The following PRKAR1A variants were observed in gnomAD, a reference collection of about 807,000 sequenced individuals.
PRKAR1A encodes protein kinase cAMP-dependent type I regulatory subunit alpha.
PRKAR1A carries 3 observed loss-of-function variants against 52.0 expected under a neutral mutation model. The ratio of observed to expected loss-of-function variants is 0.06; its 90% CI spans 0.03 to 0.15. PRKAR1A has a LOEUF of 0.15. PRKAR1A is among the 10% of genes least tolerant of loss of function. The pLI is 1.00. For synonymous variants in PRKAR1A, 188 were observed against 168.4 expected (o/e 1.12, Z -0.90); for missense variants, 240 against 477.4 (o/e 0.50, Z 4.63).
At chr17:68,541,696 C>T in intron 11 of PRKAR1A, 1 of 341,156 alleles carries the variant, frequency 2.9e-6, no homozygotes, top group Non-Finnish European at 5.5e-6. Context: ...GGCTACATGT[C>T]TGTTCTCCCC....
chr17:68,543,343 G>T (rs941866908), intron 11 of PRKAR1A, among the ~76,000 whole-genome samples: 3 of 152,102 alleles, frequency 2.0e-5, no homozygotes, highest in African/African-American at 7.2e-5. Flanking sequence ...CATTCTCCTC[G>T]CTCTCAGATC....
chr17:68,519,450 C>T (rs2085535323), intron 2 of PRKAR1A, among the ~76,000 whole-genome samples: 1 of 152,206 alleles, frequency 6.6e-6, no homozygotes. Flanking sequence ...TGAGAGCTCA[C>T]TATCACCAGA....
chr17:68,467,014 C>T, the PRKAR1A span, among the ~76,000 whole-genome samples: 1 of 152,240 alleles, frequency 6.6e-6, no homozygotes, highest in Non-Finnish European at 1.5e-5. Flanking sequence ...TGGAATCACA[C>T]AATACGTGGC....
At chr17:68,530,116 C>A in intron 10 of PRKAR1A, 115 bp downstream of exon 10, 1 of 1,479,158 alleles carries the variant, frequency 6.8e-7, no homozygotes, top group Non-Finnish European at 9.4e-7. Context: ...TAACTGCAGT[C>A]TTTTTTGGCT....
At chr17:68,472,136 G>A in the PRKAR1A span, among the ~76,000 whole-genome samples, 3 of 152,138 alleles carry the variant, frequency 2.0e-5, no homozygotes, top group African/African-American at 7.2e-5. Context: ...GAGTGAGGAG[G>A]TGTGGTTCAG....
intron 11 of PRKAR1A, among the ~76,000 whole-genome samples, chr17:68,549,274 C>G (rs987605656): frequency 5.9e-5 from 9 of 152,112 alleles, no homozygotes; most frequent in Admixed American, 5.2e-4. Context: ...ACAGGGGAAT[C>G]GCCTGAGGTC....
At chr17:68,428,338 C>T in the PRKAR1A span, 1 of 158,828 alleles carries the variant, frequency 6.3e-6, no homozygotes, top group African/African-American at 2.4e-5. Context: ...AGGTGATTCT[C>T]CCACCTCAGC....
chr17:68,531,608 G>A lies in PRKAR1A; in HGVS notation c.*1159G>A. On this transcript the variant is annotated 3_prime_UTR_variant, in exon 11 of 11. Coordinates refer to ENST00000589228, the MANE Select transcript of PRKAR1A (RefSeq NM_002734.5). ...AGCTAGAATTTCTGGTGGGTTGATG[G>A]TAGGGTATAATGTGTCTGTGTTGCT... 1 of 1,066,286 alleles carries A rather than the reference G, an allele frequency of 9.4e-7. No individual in the cohort carries two copies. Among genetic ancestry groups the A allele is most frequent in the Non-Finnish European group, 1.1e-6 (1 of 879,632 alleles). The allele number at this position is 1,066,286 out of a possible 1,614,324, so 66.1% of individuals were successfully genotyped here.
upstream of PRKAR1A, among the ~76,000 whole-genome samples, chr17:68,510,889 G>A (rs1479811885): frequency 6.6e-6 from 1 of 152,152 alleles, no homozygotes; most frequent in East Asian, 1.9e-4. Flanking sequence ...AGAGCCTGGT[G>A]GATTTGGGGG....
chr17:68,425,119 G>C, the PRKAR1A span, among the ~76,000 whole-genome samples: 35,818 of 152,200 alleles, frequency 0.24, 4,267 homozygotes, highest in Middle Eastern at 0.3. Context: ...GTGGGAACAG[G>C]CTGAGCAGGT....
chr17:68,548,900 T>A (rs886243394), intron 11 of PRKAR1A, among the ~76,000 whole-genome samples: 1 of 151,398 alleles, frequency 6.6e-6, no homozygotes, highest in Non-Finnish European at 1.5e-5. Context: ...GCCCGGCTAA[T>A]TTTTTGTATT....
the PRKAR1A span, among the ~76,000 whole-genome samples, chr17:68,501,153 T>G: frequency 2.6e-5 from 4 of 152,208 alleles, no homozygotes; most frequent in Non-Finnish European, 4.4e-5. Context: ...CTGCCTGAGC[T>G]GTGAATTGCC....
chr17:68,458,080 T>C, the PRKAR1A span, among the ~76,000 whole-genome samples: 1 of 152,172 alleles, frequency 6.6e-6, no homozygotes, highest in Admixed American at 6.5e-5. Context: ...CCCCACCCTT[T>C]TGTCGAGTCC....
At chr17:68,537,788 A>G (rs762117621), downstream of PRKAR1A, 9 of 1,572,834 alleles carry the variant, frequency 5.7e-6, no homozygotes, top group Non-Finnish European at 6.9e-6. This position sits in a 1 kb window ranked among gnomAD's most constrained non-coding sequence, Gnocchi z 4.2. Flanking sequence ...TGTAAAGAAA[A>G]TAACTTGCCT....
Position 68,541,893 on chromosome 17 carries a change from C to T in PRKAR1A, c.974-9191C>T, listed in dbSNP as rs543454867. 8 of 1,460,756 alleles carry T rather than the reference C, an allele frequency of 5.5e-6. No individual in the cohort carries two copies. The East Asian group carries it at 1.1e-4, about 21-fold the overall frequency. 90.5% of individuals were successfully genotyped at this position (1,460,756 alleles called of 1,614,324 possible). On this transcript the variant is annotated intron_variant, in intron 11 of 11. Coordinates refer to the PRKAR1A transcript ENST00000585981. ...GCAAAGGAGTATTGAGGCAGCTTTTCAGATTCAAAAGCCAAGCTAGCAACA... is the reference window on the plus strand; with the variant it reads ...GCAAAGGAGTATTGAGGCAGCTTTTTAGATTCAAAAGCCAAGCTAGCAACA...
Position 68,530,348 on chromosome 17 carries a change from A to C in PRKAR1A, c.1045A>C (p.Lys349Gln). The C allele has an allele frequency of 1.2e-6, 2 of 1,614,062 alleles. No homozygotes were observed. The highest frequency in any genetic ancestry group is 1.7e-6 in the Non-Finnish European group (2 of 1,179,984). Residue 349 changes from lysine (K) to glutamine (Q), a missense_variant, in exon 11 of 11, where the codon AAG (lysine) becomes CAG (glutamine). Around this residue, in one of 4 missense-constraint regions of PRKAR1A, gnomAD observed 26 missense variants for 53.6 expected, o/e 0.48. Coordinates refer to ENST00000589228, the MANE Select transcript of PRKAR1A (RefSeq NM_002734.5). ...TGCTCGTGGCCCCTTGAAGTGCGTT[A>C]AGCTGGACCGACCTAGATTTGAACG... ...VVARGPLKCV[K>Q]LDRPRFERVL... is the part of the protein sequence containing the mutation.
At chr17:68,413,767 C>T in the PRKAR1A span, 262 of 161,002 alleles carry the variant, frequency 1.6e-3, no homozygotes, top group East Asian at 5.1e-3. Context: ...ATCAGCGAGA[C>T]TCCGTGGGCG....
At chr17:68,428,956 T>C in the PRKAR1A span, 1 of 1,590,334 alleles carries the variant, frequency 6.3e-7, no homozygotes, top group Non-Finnish European at 8.6e-7. Context: ...AAGGAAAACA[T>C]AAACCGTGAT....
At chr17:68,521,824 G>A (rs187244256) in intron 2 of PRKAR1A, among the ~76,000 whole-genome samples, 7 of 152,288 alleles carry the variant, frequency 4.6e-5, no homozygotes, top group Admixed American at 3.9e-4. Context: ...AAGAAATAAC[G>A]GGTCAAATGA....
Sources: gnomAD v4.1 joint callset for allele counts (sites outside exome capture counted in the v4.1 genomes callset) on GRCh38, gnomAD v4.1.1 for gene constraint, gnomAD v4.1.1 regional missense constraint, Gnocchi (gnomAD v3.1) non-coding constraint, MANE v1.5 for transcripts, NCBI Gene and HGNC (gene_info 2026-07-23, HGNC 2026-07-21) for gene names.